TENM3: variants seen among roughly 807,000 people sequenced by gnomAD.
TENM3 encodes teneurin-3.
A neutral mutation model predicts 255.1 loss-of-function variants in TENM3; 63 were observed. The ratio of observed to expected loss-of-function variants is 0.25; its 90% CI spans 0.20 to 0.30. The LOEUF (loss-of-function observed/expected upper bound fraction) is 0.30. Among genes scored for constraint, TENM3 ranks in the 10% least tolerant of loss-of-function variants. The pLI is 1.00. For missense variants in TENM3, 2,929 were observed against 3,461.1 expected, an observed-to-expected ratio of 0.85 and a Z score of 3.86; for synonymous variants, 1,306 against 1,322.3, an observed-to-expected ratio of 0.99 and a Z score of 0.27.
chr4:181,929,353 G>A, the TENM3 span, among the ~76,000 whole-genome samples: 215 of 145,308 alleles, frequency 1.5e-3, 1 homozygote, highest in African/African-American at 5.3e-3. Context: ...AAATGGAAAG[G>A]CAAAAAAAAA....
chr4:181,782,683 T>A, the TENM3 span, among the ~76,000 whole-genome samples: 1 of 152,194 alleles, frequency 6.6e-6, no homozygotes, highest in Admixed American at 6.5e-5. Context: ...TGTTTGCTCT[T>A]GCTTCTCTAG....
chr4:181,937,230 G>A, the TENM3 span, among the ~76,000 whole-genome samples: 2 of 152,342 alleles, frequency 1.3e-5, no homozygotes, highest in Admixed American at 6.5e-5. Context: ...AGTAGAGGAG[G>A]TAGCCTGAGA....
At chr4:182,704,862 C>G (rs1188781715) in intron 12 of TENM3, among the ~76,000 whole-genome samples, 2 of 141,492 alleles carry the variant, frequency 1.4e-5, no homozygotes, top group Non-Finnish European at 3.0e-5. Flanking sequence ...ACCTCACTTA[C>G]TAGTTGGTAA....
At chr4:181,566,742 T>C in the TENM3 span, among the ~76,000 whole-genome samples, 1 of 152,218 alleles carries the variant, frequency 6.6e-6, no homozygotes, top group Admixed American at 6.5e-5. Context: ...TCACACTACA[T>C]CCACCACAAT....
the TENM3 span, among the ~76,000 whole-genome samples, chr4:181,926,345 A>C: frequency 2.0e-5 from 3 of 152,330 alleles, no homozygotes; most frequent in South Asian, 6.2e-4. Flanking sequence ...TCAGAAAATA[A>C]AGAAGAGAAG....
the TENM3 span, among the ~76,000 whole-genome samples, chr4:181,804,192 G>C: frequency 6.6e-6 from 1 of 150,690 alleles, no homozygotes; most frequent in Non-Finnish European, 1.5e-5. Context: ...GGGAGGGAGG[G>C]AAATAAAAGA....
chr4:182,579,817 G>T (rs1745312480), intron 3 of TENM3, among the ~76,000 whole-genome samples: 1 of 152,116 alleles, frequency 6.6e-6, no homozygotes, highest in African/African-American at 2.4e-5. Context: ...CTGGTATAAG[G>T]AAAGTTACAT....
At chr4:182,737,916 GATA>G (rs1335295014) in intron 17 of TENM3, among the ~76,000 whole-genome samples, 1 of 152,014 alleles carries the variant, frequency 6.6e-6, no homozygotes, top group African/African-American at 2.4e-5. Flanking sequence ...GTTTATTTCT[GATA>G]ATAATATGTC....
chr4:182,418,822 C>T (rs1250723687), intron 3 of TENM3, among the ~76,000 whole-genome samples: 5 of 152,250 alleles, frequency 3.3e-5, no homozygotes, highest in African/African-American at 4.8e-5. Context: ...CTCAGCCTCC[C>T]GAAGTGCTGG....
intron 1 of TENM3, among the ~76,000 whole-genome samples, chr4:182,198,517 C>T (rs1561189359): frequency 6.6e-6 from 1 of 152,226 alleles, no homozygotes; most frequent in Non-Finnish European, 1.5e-5. Flanking sequence ...GTGAACTGTG[C>T]AGCTTGCTGC....
chr4:181,710,358 T>A, the TENM3 span, among the ~76,000 whole-genome samples: 69 of 151,992 alleles, frequency 4.5e-4, no homozygotes, highest in Non-Finnish European at 8.8e-4. Context: ...GAGGACCAAA[T>A]AAGATGCAGA....
the TENM3 span, among the ~76,000 whole-genome samples, chr4:181,565,908 C>T: frequency 1.1e-4 from 16 of 152,020 alleles, no homozygotes; most frequent in South Asian, 2.1e-4. Flanking sequence ...TGATAAAGTG[C>T]GGAAGTAATC....
the TENM3 span, among the ~76,000 whole-genome samples, chr4:181,799,074 T>C: frequency 6.6e-6 from 1 of 152,190 alleles, no homozygotes; most frequent in Admixed American, 6.6e-5. Context: ...GAAGGCTCCC[T>C]TTTCCCACTA....
intron 3 of TENM3, among the ~76,000 whole-genome samples, chr4:182,555,549 A>G (rs1742499012): frequency 6.6e-6 from 1 of 152,198 alleles, no homozygotes; most frequent in Non-Finnish European, 1.5e-5. Context: ...TTGGTGATGA[A>G]ATTTTGGCCT....
At chr4:182,118,588 C>G in the TENM3 span, among the ~76,000 whole-genome samples, 10 of 118,010 alleles carry the variant, frequency 8.5e-5, no homozygotes, top group African/African-American at 1.8e-4. Flanking sequence ...CCAGCTCCCC[C>G]CTCCACCTTT....
At chr4:181,784,200 A>G in the TENM3 span, among the ~76,000 whole-genome samples, 6 of 151,770 alleles carry the variant, frequency 4.0e-5, no homozygotes, top group Non-Finnish European at 8.8e-5. Flanking sequence ...TTTCTGACAC[A>G]TGCCCTTTGT....
At chr4:181,587,592 G>A in the TENM3 span, among the ~76,000 whole-genome samples, 1 of 152,156 alleles carries the variant, frequency 6.6e-6, no homozygotes, top group African/African-American at 2.4e-5. Context: ...GAGTGATGTG[G>A]CCAAGCATGA....
At chr4:181,467,129 T>A in the TENM3 span, among the ~76,000 whole-genome samples, 233 of 45,316 alleles carry the variant, frequency 5.1e-3, no homozygotes, top group African/African-American at 0.014. Flanking sequence ...ATATATATTT[T>A]TTTTTTTTTT....
At chr4:181,810,480 G>C in the TENM3 span, among the ~76,000 whole-genome samples, 3 of 151,844 alleles carry the variant, frequency 2.0e-5, no homozygotes, top group Admixed American at 1.3e-4. Flanking sequence ...TTCTGCTTGG[G>C]GGGTAGTGAG....
Sources: allele counts gnomAD v4.1 joint callset (sites outside exome capture counted in the v4.1 genomes callset), GRCh38; gene constraint gnomAD v4.1.1; transcripts MANE v1.5; gene names NCBI Gene and HGNC (gene_info 2026-07-23, HGNC 2026-07-21).